The following LIN7A variants were observed in gnomAD, a reference collection of about 807,000 sequenced individuals.
The protein encoded by LIN7A is lin-7 cell polarity scaffold A, also known as protein lin-7 homolog A.
LIN7A carries 25 observed loss-of-function variants against 29.8 expected under a neutral mutation model. That is an observed-to-expected ratio of 0.84 (90% CI 0.61 to 1.17). The LOEUF is 1.17. Among genes scored for constraint, LIN7A ranks in the 50% most tolerant of loss-of-function variants. The pLI, the probability that LIN7A is intolerant of heterozygous loss-of-function variation, is 0.00. For synonymous variants in LIN7A, 118 were observed against 107.5 expected (o/e 1.10, Z -0.60); for missense variants, 239 against 287.0 (o/e 0.83, Z 1.21).
intron 1 of LIN7A, among the ~76,000 whole-genome samples, chr12:80,909,958 A>G (rs1211985373): frequency 6.6e-6 from 1 of 151,884 alleles, no homozygotes; most frequent in Non-Finnish European, 1.5e-5. Context: ...TTTTGCCATT[A>G]CTTTTAATAA....
chr12:80,839,191 A>G (rs147847634), intron 4 of LIN7A, among the ~76,000 whole-genome samples: 7 of 152,224 alleles, frequency 4.6e-5, no homozygotes, highest in Non-Finnish European at 8.8e-5. Flanking sequence ...TACATTGTAC[A>G]TGAAAGTACT....
At chr12:80,859,141 A>G (rs1565904437) in intron 2 of LIN7A, among the ~76,000 whole-genome samples, 2 of 152,204 alleles carry the variant, frequency 1.3e-5, no homozygotes, top group Admixed American at 6.5e-5. Context: ...AGTGTGTTCC[A>G]TATAATATTT....
chr12:80,913,857 T>G (rs527529657), intron 1 of LIN7A, among the ~76,000 whole-genome samples: 107 of 152,248 alleles, frequency 7.0e-4, no homozygotes, highest in Non-Finnish European at 1.4e-3. Context: ...TGTTGCTAAT[T>G]CATGCTCTAC....
chr12:80,898,352 A>G (rs974558038), intron 1 of LIN7A, among the ~76,000 whole-genome samples: 3 of 152,060 alleles, frequency 2.0e-5, no homozygotes, highest in Non-Finnish European at 4.4e-5. Context: ...TACCACTATC[A>G]TGCTGTTTTG....
At chr12:80,845,621 A>G (rs1873034621) in intron 4 of LIN7A, 109 bp downstream of exon 4, 3 of 841,478 alleles carry the variant, frequency 3.6e-6, no homozygotes, top group South Asian at 3.6e-5. Flanking sequence ...CTGGTTAGAC[A>G]TAAAATGAAT....
intron 4 of LIN7A, among the ~76,000 whole-genome samples, chr12:80,837,051 A>C (rs1872616538): frequency 6.6e-6 from 1 of 152,142 alleles, no homozygotes; most frequent in Non-Finnish European, 1.5e-5. Flanking sequence ...AAAAGTCTGA[A>C]AGTGAAAAGG....
intron 2 of LIN7A, among the ~76,000 whole-genome samples, chr12:80,883,547 T>C (rs1875175855): frequency 6.6e-6 from 1 of 152,186 alleles, no homozygotes; most frequent in Non-Finnish European, 1.5e-5. Context: ...TCTTCCTATC[T>C]GTTATTCATT....
chr12:80,875,494 T>C (rs1372125701), intron 2 of LIN7A, among the ~76,000 whole-genome samples: 1 of 152,180 alleles, frequency 6.6e-6, no homozygotes, highest in Non-Finnish European at 1.5e-5. Flanking sequence ...TTTATGCAAA[T>C]ACATAAAGAA....
chr12:80,830,753 T>G (rs1872307831), intron 4 of LIN7A, among the ~76,000 whole-genome samples: 1 of 152,208 alleles, frequency 6.6e-6, no homozygotes, highest in South Asian at 2.1e-4. Flanking sequence ...TCGTTGCTTC[T>G]CTCGAATGCC....
chr12:80,842,998 A>AGGT (rs1872893023), intron 4 of LIN7A, among the ~76,000 whole-genome samples: 1 of 152,172 alleles, frequency 6.6e-6, no homozygotes, highest in Non-Finnish European at 1.5e-5. Flanking sequence ...AATACTCTAG[A>AGGT]GGTGGCTACT....
At chr12:80,910,255 C>T (rs952556890) in intron 1 of LIN7A, among the ~76,000 whole-genome samples, 4 of 152,088 alleles carry the variant, frequency 2.6e-5, no homozygotes, top group Non-Finnish European at 4.4e-5. Context: ...ACTAAAGTCA[C>T]CTATTAATTT....
chr12:80,820,406 C>T (rs190737297), intron 4 of LIN7A, among the ~76,000 whole-genome samples: 3 of 152,102 alleles, frequency 2.0e-5, no homozygotes, highest in East Asian at 1.9e-4. Flanking sequence ...AAACTGAAAA[C>T]GAGCAAAAAA....
intron 1 of LIN7A, among the ~76,000 whole-genome samples, chr12:80,916,103 C>A (rs1031282826): frequency 6.6e-6 from 1 of 152,152 alleles, no homozygotes; most frequent in Non-Finnish European, 1.5e-5. Flanking sequence ...TTGTCATTAT[C>A]TTTTCTGCTA....
At chr12:80,848,006 C>A (rs1371464305) in intron 3 of LIN7A, 1 of 592,686 alleles carries the variant, frequency 1.7e-6, no homozygotes, top group Non-Finnish European at 3.1e-6. Flanking sequence ...TTTGCTTGTG[C>A]CAAATGGACA....
intron 4 of LIN7A, among the ~76,000 whole-genome samples, chr12:80,830,303 T>A (rs1165357880): frequency 6.6e-6 from 1 of 152,196 alleles, no homozygotes; most frequent in Admixed American, 6.5e-5. Context: ...AAAAACTAAG[T>A]AGCTTCTTAT....
At chr12:80,832,628 T>C in intron 4 of LIN7A, 1 of 461,828 alleles carries the variant, frequency 2.2e-6, no homozygotes, top group Non-Finnish European at 4.4e-6. Flanking sequence ...CTCCTTATGA[T>C]GGCTTATGGT....
At chr12:80,927,808 G>T (rs1218402418) in intron 1 of LIN7A, among the ~76,000 whole-genome samples, 1 of 151,980 alleles carries the variant, frequency 6.6e-6, no homozygotes, top group African/African-American at 2.4e-5. Flanking sequence ...TGCTGCACCC[G>T]TCAACTCGTC....
chr12:80,809,566 T>C (rs1871191619), intron 5 of LIN7A, among the ~76,000 whole-genome samples: 1 of 152,370 alleles, frequency 6.6e-6, no homozygotes, highest in South Asian at 2.1e-4. Context: ...AAGAATTCTA[T>C]GTTTCTGTAA....
chr12:80,835,710 T>C (rs767744779), intron 4 of LIN7A, among the ~76,000 whole-genome samples: 3 of 152,236 alleles, frequency 2.0e-5, no homozygotes, highest in Non-Finnish European at 2.9e-5. Flanking sequence ...GAGAAAGATA[T>C]TGCTATTTTT....
Sources: gnomAD v4.1 joint callset for allele counts (sites outside exome capture counted in the v4.1 genomes callset) on GRCh38, gnomAD v4.1.1 for gene constraint, MANE v1.5 for transcripts, NCBI Gene and HGNC (gene_info 2026-07-23, HGNC 2026-07-21) for gene names.